GPAT3: variants seen among roughly 807,000 people sequenced by gnomAD.
GPAT3 encodes glycerol-3-phosphate acyltransferase 3.
A neutral mutation model predicts 58.8 loss-of-function variants in GPAT3; 53 were observed. That is an observed-to-expected ratio of 0.90 (90% CI 0.72 to 1.13). GPAT3 has a LOEUF of 1.13. Among genes scored for constraint, GPAT3 ranks in the 50% most tolerant of loss-of-function variants. The probability of loss-of-function intolerance (pLI) is 0.00; values close to 1 mark genes in which losing one functional copy is unlikely to be tolerated. For missense variants in GPAT3, 511 were observed against 527.6 expected, an observed-to-expected ratio of 0.97 and a Z score of 0.31; for synonymous variants, 197 against 187.4, an observed-to-expected ratio of 1.05 and a Z score of -0.42.
At chr4:83,587,648 G>A (rs1158517007) in intron 4 of GPAT3, among the ~76,000 whole-genome samples, 2 of 152,016 alleles carry the variant, frequency 1.3e-5, no homozygotes, top group African/African-American at 4.8e-5. Flanking sequence ...GGGGGGTCTC[G>A]AACTCCTGAC....
chr4:83,574,453 CAG>C (rs1290645511), intron 2 of GPAT3, among the ~76,000 whole-genome samples: 2 of 151,910 alleles, frequency 1.3e-5, no homozygotes. Flanking sequence ...GCTAAAGGCA[CAG>C]GGGCACAGGG....
At chr4:83,582,383 C>G (rs367817724) in intron 3 of GPAT3, among the ~76,000 whole-genome samples, 6 of 152,254 alleles carry the variant, frequency 3.9e-5, no homozygotes, top group East Asian at 3.8e-4. Flanking sequence ...GGGTCCCCTT[C>G]TGCTTCTGAG....
In GPAT3 at chr4:83,536,338, C is replaced by A. The variant is rs1724081223; in HGVS notation, c.-285C>A. 4 of 1,155,260 alleles carry A rather than the reference C, an allele frequency of 3.5e-6. No homozygotes were observed. The highest frequency in any genetic ancestry group is 4.3e-6 in the Non-Finnish European group (4 of 937,616). 71.6% of individuals were successfully genotyped at this position (1,155,260 alleles called of 1,614,324 possible). A position where few individuals can be genotyped will look rare whatever the true frequency, so the allele number is the denominator to read the frequency against. On this transcript the variant is annotated 5_prime_UTR_variant, in exon 1 of 12. The change creates a new upstream start codon in the 5' untranslated region. Coordinates refer to ENST00000264409, the MANE Select transcript of GPAT3 (RefSeq NM_032717.5). ...CTCCGCTTACCCGCAGCTCCGACCA[C>A]TGGCTCGCGCTACCCAGGTCTCCGC...
Position 83,541,393 on chromosome 4 carries a change from C to CTTTT in GPAT3, c.142-3126_142-3123dup, listed in dbSNP as rs777665390. 4.0e-4 allele frequency among the ~76,000 whole-genome samples: 45 copies of CTTTT among 113,702 alleles called. 1 individual carries two copies. The highest frequency in any genetic ancestry group is 5.9e-4 in the South Asian group (2 of 3,372). 74.6% of individuals were successfully genotyped at this position (113,702 alleles called of 152,430 possible). A position where few individuals can be genotyped will look rare whatever the true frequency, so the allele number is the denominator to read the frequency against. The stretch of plus-strand genomic sequence containing the variant: ...CCACCATGCCCAACTAATTTAAAAC[C>CTTTT]TTTTTTTTTTTTTTTTTTTTGTAGA... On this transcript the variant is annotated intron_variant, in intron 1 of 11. Transcript: ENST00000264409.
chr4:83,536,546 G>A lies in GPAT3; in HGVS notation c.-77G>A, dbSNP rs1045256998. On this transcript the variant is annotated 5_prime_UTR_variant, in exon 1 of 12. Coordinates refer to ENST00000264409, the MANE Select transcript of GPAT3 (RefSeq NM_032717.5). ...GGCGCTCTGCTCCTGGAGCTCCCGC[G>A]GGACTGCCTGGGGACAGGGACTGCT... The A allele has an allele frequency of 1.0e-5, 16 of 1,540,406 alleles. No homozygotes were observed. The highest frequency in any genetic ancestry group is 4.1e-5 in the African/African-American group (3 of 73,034).
At chr4:83,564,247 G>A (rs10011103) in intron 2 of GPAT3, among the ~76,000 whole-genome samples, 9,296 of 152,116 alleles carry the variant, frequency 0.061, 952 homozygotes, top group African/African-American at 0.21. Context: ...GTGGAAATGC[G>A]GTTTGGTTCT....
chr4:83,581,539 A>G (rs1726125078), intron 2 of GPAT3, 23 bp from the exon 3 acceptor site: 2 of 1,602,732 alleles, frequency 1.2e-6, no homozygotes, highest in South Asian at 1.1e-5. Flanking sequence ...GCATTTTCTC[A>G]TGTCCTGATG....
chr4:83,579,404 T>C (rs1231698179), intron 2 of GPAT3, among the ~76,000 whole-genome samples: 1 of 149,880 alleles, frequency 6.7e-6, no homozygotes, highest in Non-Finnish European at 1.5e-5. Context: ...GTGATCCCCC[T>C]GCCTCAGCCT....
At chr4:83,558,192 C>T (rs916521757) in intron 2 of GPAT3, among the ~76,000 whole-genome samples, 5 of 150,860 alleles carry the variant, frequency 3.3e-5, no homozygotes, top group South Asian at 2.1e-4. Flanking sequence ...CCAGCCTAGG[C>T]GACACAGCAA....
At chr4:83,562,225 A>ATATAATATATATATATT (rs1185063026) in intron 2 of GPAT3, among the ~76,000 whole-genome samples, 1 of 61,396 alleles carries the variant, frequency 1.6e-5, no homozygotes, top group Non-Finnish European at 3.0e-5. Flanking sequence ...ATATATATAT[A>ATATAATATATATATATT]ATATATATAT....
At chr4:83,580,167 T>C (rs937132368) in intron 2 of GPAT3, among the ~76,000 whole-genome samples, 3 of 152,192 alleles carry the variant, frequency 2.0e-5, no homozygotes, top group African/African-American at 7.2e-5. Context: ...ACAGTAGTCA[T>C]TTTTCAATTC....
intron 2 of GPAT3, among the ~76,000 whole-genome samples, chr4:83,559,888 A>G (rs1247369350): frequency 6.6e-6 from 1 of 152,092 alleles, no homozygotes; most frequent in Non-Finnish European, 1.5e-5. Flanking sequence ...CGAGAACAGG[A>G]TTTTGGTCAG....
intron 3 of GPAT3, among the ~76,000 whole-genome samples, chr4:83,582,533 G>T (rs1346167557): frequency 6.6e-6 from 1 of 152,184 alleles, no homozygotes; most frequent in Non-Finnish European, 1.5e-5. Flanking sequence ...AGCAGTAGTA[G>T]GCACGTATAC....
chr4:83,587,253 A>T lies in GPAT3; in HGVS notation c.480-2A>T. 6.2e-7 allele frequency: 1 copy of T among 1,612,178 alleles called. No individual in the cohort carries two copies. Among genetic ancestry groups the T allele is most frequent in the Non-Finnish European group, 8.5e-7 (1 of 1,179,408 alleles). ...TATATGGCCCTCTCTTTTCTTTTTCAGGGTTACCTTGGCTTTCATTGGGAT... is the reference window on the plus strand; with the variant it reads ...TATATGGCCCTCTCTTTTCTTTTTCTGGGTTACCTTGGCTTTCATTGGGAT... On this transcript the variant is annotated splice_acceptor_variant, in intron 3 of 11. Coordinates refer to ENST00000264409, the MANE Select transcript of GPAT3 (RefSeq NM_032717.5). LOFTEE classifies it high-confidence loss of function.
intron 2 of GPAT3, among the ~76,000 whole-genome samples, chr4:83,567,533 T>C (rs1244386829): frequency 6.6e-6 from 1 of 152,236 alleles, no homozygotes; most frequent in African/African-American, 2.4e-5. Flanking sequence ...AAATTGAAGT[T>C]AGGATTTTTA....
At chr4:83,561,328 A>T (rs1425606171) in intron 2 of GPAT3, among the ~76,000 whole-genome samples, 1 of 152,248 alleles carries the variant, frequency 6.6e-6, no homozygotes, top group Non-Finnish European at 1.5e-5. Flanking sequence ...CATGCTTGGT[A>T]GAATATGTAA....
chr4:83,573,643 G>A (rs775856768), intron 2 of GPAT3, among the ~76,000 whole-genome samples: 2 of 152,184 alleles, frequency 1.3e-5, no homozygotes, highest in Non-Finnish European at 2.9e-5. Flanking sequence ...CAGGAAGGAA[G>A]TTGGAGATGG....
chr4:83,566,418 A>ATTT (rs576614651), intron 2 of GPAT3, among the ~76,000 whole-genome samples: 5 of 90,006 alleles, frequency 5.6e-5, no homozygotes, highest in South Asian at 3.9e-4. Flanking sequence ...AAATTAATTA[A>ATTT]TTTATTATTA....
rs145687765 is a variant in GPAT3, at chr4:83,565,936, G to A, written c.209-15626G>A. ...TCTGTGAGTTTCCTCGAGCAAAGGC[G>A]TGTGTCTAAACTACCTAAGATCTTT... On this transcript the variant is annotated intron_variant, in intron 2 of 11. Coordinates refer to ENST00000264409, the MANE Select transcript of GPAT3 (RefSeq NM_032717.5). 2.8e-3 allele frequency among the ~76,000 whole-genome samples: 420 copies of A among 152,316 alleles called. 2 individuals are homozygous for A. Among genetic ancestry groups the A allele is most frequent in the Non-Finnish European group, 4.6e-3 (316 of 68,030 alleles).
Sources: allele counts gnomAD v4.1 joint callset (sites outside exome capture counted in the v4.1 genomes callset), GRCh38; gene constraint gnomAD v4.1.1; transcripts MANE v1.5; gene names NCBI Gene and HGNC (gene_info 2026-07-23, HGNC 2026-07-21).